The following PGM2 variants were observed in gnomAD, a reference collection of about 807,000 sequenced individuals.
PGM2 encodes phosphopentomutase.
PGM2 carries 57 observed loss-of-function variants against 74.6 expected under a neutral mutation model. That is an observed-to-expected ratio of 0.76 (90% CI 0.62 to 0.95). The LOEUF is 0.95. Among genes scored for constraint, PGM2 ranks in the 40% least tolerant of loss-of-function variants. The probability of loss-of-function intolerance (pLI) is 0.00; values close to 1 mark genes in which losing one functional copy is unlikely to be tolerated. For synonymous variants in PGM2, 273 were observed against 260.7 expected (o/e 1.05, Z -0.46); for missense variants, 706 against 741.9 (o/e 0.95, Z 0.56).
At chr4:37,854,969 C>T (rs910489096) in intron 12 of PGM2, among the ~76,000 whole-genome samples, 4 of 152,096 alleles carry the variant, frequency 2.6e-5, no homozygotes, top group Non-Finnish European at 5.9e-5. Context: ...AAAATGTATA[C>T]ATTGTGATAG....
intron 12 of PGM2, among the ~76,000 whole-genome samples, chr4:37,851,961 G>GTTTTCTTTTTT (rs1430228977): frequency 1.5e-5 from 2 of 135,338 alleles, no homozygotes; most frequent in East Asian, 2.3e-4. Context: ...CCTTTTGTTT[G>GTTTTCTTTTTT]TTTGTTTTCT....
rs748290214 is a variant in PGM2 at position 37,844,392 on chromosome 4, T to C, written c.748T>C (p.Phe250Leu). 3.7e-6 allele frequency: 6 copies of C among 1,610,802 alleles called. No individual in the cohort carries two copies. The highest frequency in any genetic ancestry group is 3.4e-5 in the Admixed American group (2 of 59,364). ...RSVNRETKVK[F>L]VHTSVHGVGH... ...CGTGAACAGGGAGACAAAGGTGAAG[T>C]TTGTGCACACCTCTGTCCATGGGGT... The change falls in exon 7 of 14, where the codon TTT (phenylalanine) becomes CTT (leucine). Residue 250 changes from phenylalanine (F) to leucine (L), a missense_variant. This residue lies in a region of PGM2 where 332 missense variants were observed against 334.9 expected (regional missense o/e 0.99). Coordinates refer to ENST00000381967, the MANE Select transcript of PGM2 (RefSeq NM_018290.4).
At chr4:37,850,942 G>C (rs1272570909) in intron 12 of PGM2, among the ~76,000 whole-genome samples, 1 of 130,850 alleles carries the variant, frequency 7.6e-6, no homozygotes, top group Non-Finnish European at 1.5e-5. Flanking sequence ...AGTGAGCTGA[G>C]ATTGCACCAC....
At chr4:37,852,578 T>C (rs369091275) in intron 12 of PGM2, among the ~76,000 whole-genome samples, 4 of 152,236 alleles carry the variant, frequency 2.6e-5, no homozygotes, top group Admixed American at 6.5e-5. Flanking sequence ...AAATGTCTTA[T>C]TCTGTCCTCA....
At chr4:37,833,365 G>C (rs1159637379) in intron 2 of PGM2, among the ~76,000 whole-genome samples, 2 of 152,132 alleles carry the variant, frequency 1.3e-5, no homozygotes, top group Non-Finnish European at 2.9e-5. Flanking sequence ...AAACCAGCCT[G>C]GGCAATATGG....
intron 12 of PGM2, among the ~76,000 whole-genome samples, chr4:37,853,354 T>G (rs1726104491): frequency 1.0e-5 from 1 of 98,208 alleles, no homozygotes; most frequent in Non-Finnish European, 2.1e-5. Flanking sequence ...CCCAGGGTGA[T>G]ATTCCTTTTT....
rs777960179 is a variant in PGM2 at position 37,834,631 on chromosome 4, A to G, written c.263A>G (p.Tyr88Cys). Residue 88 changes from tyrosine (Y) to cysteine (C), a missense_variant, in exon 3 of 14, where the codon TAC becomes TGC. Tyr to Cys is a radical substitution (Grantham distance 194, BLOSUM62 -2). Coordinates refer to ENST00000381967, the MANE Select transcript of PGM2 (RefSeq NM_018290.4). ...GTGTATTTGTAGGGATTTTGCAGATACCTGGAAAAACAATTCAGTGACTTA... is the reference window on the plus strand; with the variant it reads ...GTGTATTTGTAGGGATTTTGCAGATGCCTGGAAAAACAATTCAGTGACTTA... ...IIQTTQGFCR[Y>C]LEKQFSDLKQ... is the part of the protein sequence containing the mutation. 10 of 1,566,140 alleles carry G rather than the reference A, an allele frequency of 6.4e-6. No individual in the cohort carries two copies. In the Admixed American group the frequency reaches 1.5e-4, roughly 24 times the overall value.
intron 1 of PGM2, among the ~76,000 whole-genome samples, chr4:37,828,337 G>A (rs977734485): frequency 2.6e-5 from 4 of 151,872 alleles, no homozygotes; most frequent in African/African-American, 4.8e-5. Context: ...TCTGGGTAGA[G>A]ATGAGATGTC....
chr4:37,833,017 T>C (rs951594303), intron 2 of PGM2, among the ~76,000 whole-genome samples: 6 of 152,068 alleles, frequency 3.9e-5, no homozygotes, highest in African/African-American at 9.6e-5. Flanking sequence ...CCATGGAGCA[T>C]TGGGGCCACA....
chr4:37,861,244 C>T (rs1711760536), intron 13 of PGM2, among the ~76,000 whole-genome samples: 1 of 152,146 alleles, frequency 6.6e-6, no homozygotes, highest in South Asian at 2.1e-4. Flanking sequence ...CTTACAAAGT[C>T]TTATGAGAAG....
At chr4:37,842,958 C>A (rs62300675) in intron 6 of PGM2, among the ~76,000 whole-genome samples, 1 of 152,030 alleles carries the variant, frequency 6.6e-6, no homozygotes, top group African/African-American at 2.4e-5. Context: ...CCACTGTGCC[C>A]GGTCAACATG....
intron 12 of PGM2, among the ~76,000 whole-genome samples, chr4:37,853,138 T>G (rs554442511): frequency 6.6e-6 from 1 of 152,102 alleles, no homozygotes; most frequent in Non-Finnish European, 1.5e-5. Context: ...ACTAATTTAT[T>G]AAAAATAGTG....
intron 2 of PGM2, among the ~76,000 whole-genome samples, chr4:37,830,560 T>C (rs1448622704): frequency 6.6e-6 from 1 of 152,212 alleles, no homozygotes; most frequent in East Asian, 1.9e-4. Context: ...TCTCCTTTGT[T>C]TTATAGTATG....
chr4:37,855,555 G>A, intron 12 of PGM2, 53 bp from the exon 13 acceptor site: 16 of 1,500,994 alleles, frequency 1.1e-5, no homozygotes, highest in South Asian at 2.5e-5. Context: ...AGAAGATATT[G>A]GTTAGGCCAG....
intron 4 of PGM2, chr4:37,839,367 G>A (rs1188096347): frequency 2.9e-6 from 1 of 346,338 alleles, no homozygotes; most frequent in African/African-American, 2.2e-5. Context: ...CACCTGTCTT[G>A]GCCTCTCAAA....
intron 6 of PGM2, 42 bp from the exon 7 acceptor site, chr4:37,844,322 G>T: frequency 7.4e-7 from 1 of 1,358,618 alleles, no homozygotes; most frequent in Admixed American, 2.1e-5. Flanking sequence ...TGAGAGCCCT[G>T]TTTCTGCCTT....
chr4:37,829,879 A>T, intron 1 of PGM2, 85 bp from the exon 2 acceptor site: 1 of 540,668 alleles, frequency 1.8e-6, no homozygotes, highest in Non-Finnish European at 3.1e-6. Flanking sequence ...TATATTTTCT[A>T]TAGATTAGAA....
intron 3 of PGM2, among the ~76,000 whole-genome samples, chr4:37,837,143 G>A (rs1469328025): frequency 6.6e-6 from 1 of 152,192 alleles, no homozygotes; most frequent in East Asian, 1.9e-4. Flanking sequence ...AGCATGACAA[G>A]CAAAAATGTT....
chr4:37,852,775 C>G (rs1726088572), intron 12 of PGM2, among the ~76,000 whole-genome samples: 1 of 152,082 alleles, frequency 6.6e-6, no homozygotes, highest in Non-Finnish European at 1.5e-5. Flanking sequence ...TTTTTTTCCT[C>G]TGGGAAGATT....
Sources: allele counts gnomAD v4.1 joint callset (sites outside exome capture counted in the v4.1 genomes callset), GRCh38; gene constraint gnomAD v4.1.1; regional missense constraint gnomAD v4.1.1; transcripts MANE v1.5; gene names NCBI Gene and HGNC (gene_info 2026-07-23, HGNC 2026-07-21).